Variants in FAM227B observed in about 807,000 individuals in gnomAD.
The protein encoded by FAM227B is protein FAM227B.
In FAM227B, 88 loss-of-function variants were observed where a neutral mutation model predicts 73.8. The observed-to-expected ratio is 1.19, with a 90% confidence interval of 1.00 to 1.42. FAM227B has a LOEUF of 1.42. Among genes scored for constraint, FAM227B ranks in the 40% most tolerant of loss-of-function variants. FAM227B has a pLI of 0.00. For synonymous variants in FAM227B, 210 were observed against 190.5 expected (o/e 1.10, Z -0.84); for missense variants, 632 against 590.9 (o/e 1.07, Z -0.72).
intron 14 of FAM227B, among the ~76,000 whole-genome samples, chr15:49,332,251 G>A (rs1472846914): frequency 1.3e-5 from 2 of 152,212 alleles, no homozygotes; most frequent in East Asian, 3.9e-4. Context: ...GGTTTACACA[G>A]TATTGCTTTA....
At chr15:49,502,625 C>G (rs967674999) in intron 11 of FAM227B, among the ~76,000 whole-genome samples, 1 of 152,160 alleles carries the variant, frequency 6.6e-6, no homozygotes, top group Non-Finnish European at 1.5e-5. Context: ...AGAGACTTGC[C>G]TTGTTTTAGA....
At chr15:49,564,645 A>C (rs375033283) in intron 9 of FAM227B, among the ~76,000 whole-genome samples, 19 of 152,146 alleles carry the variant, frequency 1.2e-4, no homozygotes, top group African/African-American at 4.1e-4. Flanking sequence ...ACAACATGGA[A>C]TACTATACAG....
At chr15:49,363,107 C>T (rs1270928662) in intron 13 of FAM227B, among the ~76,000 whole-genome samples, 3 of 152,082 alleles carry the variant, frequency 2.0e-5, no homozygotes, top group Non-Finnish European at 4.4e-5. Flanking sequence ...GCTGTTCAAG[C>T]TCTTTTTTGG....
chr15:49,617,555 T>G (rs1360702354), intron 1 of FAM227B, among the ~76,000 whole-genome samples: 3 of 152,208 alleles, frequency 2.0e-5, no homozygotes, highest in Non-Finnish European at 2.9e-5. Context: ...AGAAAATGAC[T>G]TTCAATCTGT....
chr15:49,560,529 A>G (rs2074162072), intron 9 of FAM227B, among the ~76,000 whole-genome samples: 1 of 152,140 alleles, frequency 6.6e-6, no homozygotes, highest in Admixed American at 6.5e-5. Context: ...TCAAGAGAAC[A>G]CCTGCCAGAT....
chr15:49,591,825 CATGTATACACATGCACACACACAAAG>C (rs1269984631), intron 3 of FAM227B, among the ~76,000 whole-genome samples: 1 of 152,064 alleles, frequency 6.6e-6, no homozygotes, highest in East Asian at 1.9e-4. Flanking sequence ...TGTATGTGTG[CATGTATACACATGCACACACACAAAG>C]AAAATGTGTT....
chr15:49,410,264 A>G (rs1355195767), intron 11 of FAM227B, among the ~76,000 whole-genome samples: 1 of 152,182 alleles, frequency 6.6e-6, no homozygotes, highest in East Asian at 1.9e-4. Context: ...ATTATTAAGA[A>G]CAATATTTCA....
At chr15:49,419,240 T>TA (rs1307720859) in intron 11 of FAM227B, among the ~76,000 whole-genome samples, 1 of 152,194 alleles carries the variant, frequency 6.6e-6, no homozygotes, top group Non-Finnish European at 1.5e-5. Context: ...CAGATAAATA[T>TA]ACAAGCATGG....
chr15:49,506,782 A>G (rs2058617882), intron 11 of FAM227B, among the ~76,000 whole-genome samples: 1 of 152,106 alleles, frequency 6.6e-6, no homozygotes, highest in African/African-American at 2.4e-5. Context: ...CAACATATCT[A>G]AATACAACAC....
At chr15:49,591,382 TTCCC>T (rs148252839) in intron 3 of FAM227B, among the ~76,000 whole-genome samples, 28,511 of 82,036 alleles carry the variant, frequency 0.35, 3,890 homozygotes, top group East Asian at 0.5. Flanking sequence ...CCTCCCTCCC[TTCCC>T]TCCCTCCCTC....
Position 49,374,452 on chromosome 15 carries a change from C to G in FAM227B, c.1013-3053G>C, listed in dbSNP as rs569654893. Among the ~76,000 whole-genome samples, 16 of 152,198 alleles carry G rather than the reference C, an allele frequency of 1.1e-4. No individual in the cohort carries two copies. In the East Asian group the frequency reaches 3.1e-3, roughly 29 times the overall value. On this transcript the variant is annotated intron_variant, in intron 11 of 15. Transcript: ENST00000299338. ...GGAGAAATAGAGAAAATATAGGTAT[C>G]CATTAGGCAAAATGTATGTGATCTT...
At chr15:49,422,134 G>A (rs954220713) in intron 11 of FAM227B, among the ~76,000 whole-genome samples, 1 of 142,514 alleles carries the variant, frequency 7.0e-6, no homozygotes, top group African/African-American at 2.5e-5. Context: ...GAGAGAGAGA[G>A]AGAGAGAGAG....
rs200245993 is a variant in FAM227B at position 49,493,888 on chromosome 15, A to G, written c.1012+14323T>C. ...TATGTATGTGTATATATATATATAT[A>G]TGTGTGTGTGTGTATGTATGTGTGT... is the stretch of plus-strand genomic sequence containing the variant. On this transcript the variant is annotated intron_variant, in intron 11 of 15. Coordinates refer to ENST00000299338, the MANE Select transcript of FAM227B (RefSeq NM_152647.3). Among the ~76,000 whole-genome samples the G allele has an allele frequency of 5.8e-3, 860 of 148,910 alleles. 10 individuals carry two copies. Among genetic ancestry groups the G allele is most frequent in the African/African-American group, 0.018 (739 of 40,412 alleles).
chr15:49,466,827 G>A (rs888198563), intron 11 of FAM227B, among the ~76,000 whole-genome samples: 2 of 152,228 alleles, frequency 1.3e-5, no homozygotes, highest in South Asian at 2.1e-4. Flanking sequence ...AGTAAACTCA[G>A]ATGTTTTTAT....
At chr15:49,359,647 T>C (rs891638592) in intron 13 of FAM227B, among the ~76,000 whole-genome samples, 30 of 131,086 alleles carry the variant, frequency 2.3e-4, no homozygotes, top group African/African-American at 8.4e-4. Flanking sequence ...GGTGGGACTG[T>C]AAACTAGTTC....
Position 49,406,349 on chromosome 15 carries a change from C to A in FAM227B, c.1013-34950G>T, listed in dbSNP as rs75140402. ...TGGGCATTCATCACAGTGGCAGAGG[C>A]AATATGGCTCCAGGACTGATGGGTT... On this transcript the variant is annotated intron_variant, in intron 11 of 15. Coordinates refer to ENST00000299338, the MANE Select transcript of FAM227B (RefSeq NM_152647.3). Among the ~76,000 whole-genome samples the A allele has an allele frequency of 2.9e-3, 435 of 152,214 alleles. 7 individuals carry two copies. Among genetic ancestry groups the A allele is most frequent in the African/African-American group, 9.9e-3 (411 of 41,530 alleles).
At chr15:49,604,350 G>GT (rs34696974) in intron 3 of FAM227B, among the ~76,000 whole-genome samples, 28,216 of 150,540 alleles carry the variant, frequency 0.19, 3,067 homozygotes, top group East Asian at 0.36. Context: ...TTTGTTGGCA[G>GT]TTTTTTTTTC....
intron 11 of FAM227B, among the ~76,000 whole-genome samples, chr15:49,406,436 G>C (rs1383237995): frequency 6.6e-6 from 1 of 152,098 alleles, no homozygotes; most frequent in African/African-American, 2.4e-5. Flanking sequence ...GCACGGTGTT[G>C]GGGCGCTGGA....
rs1402990125 is a variant in FAM227B, at chr15:49,361,962, A to G, written c.1271+5486T>C. Reference sequence around the variant, plus strand: ...TCTAACTGGTCTGAGATGGTATCTCATCGTGGCTTTGATTTGCATTTCTCT... The same window carrying G: ...TCTAACTGGTCTGAGATGGTATCTCGTCGTGGCTTTGATTTGCATTTCTCT... On this transcript the variant is annotated intron_variant, in intron 13 of 15. Transcript: ENST00000299338. 3.9e-5 allele frequency among the ~76,000 whole-genome samples: 6 copies of G among 152,080 alleles called. No individual in the cohort carries two copies. The South Asian group carries it at 6.2e-4, about 16-fold the overall frequency.
Sources: allele counts gnomAD v4.1 joint callset (sites outside exome capture counted in the v4.1 genomes callset), GRCh38; gene constraint gnomAD v4.1.1; transcripts MANE v1.5; gene names NCBI Gene and HGNC (gene_info 2026-07-23, HGNC 2026-07-21).